Variants in FAM163A observed in about 807,000 individuals in gnomAD.
FAM163A encodes the protein family with sequence similarity 163 member A, also known as protein FAM163A.
Under a neutral mutation model 12.0 loss-of-function variants are expected in FAM163A, and 7 were observed. The ratio of observed to expected loss-of-function variants is 0.58; its 90% confidence interval spans 0.33 to 1.10. The LOEUF is 1.10. Ranked by LOEUF, FAM163A falls within the 50% of genes least tolerant of loss-of-function variation. The pLI, the probability that FAM163A is intolerant of heterozygous loss-of-function variation, is 0.03. For missense variants in FAM163A, 202 were observed against 218.6 expected (o/e 0.92, Z 0.48); for synonymous variants, 101 against 91.0 (o/e 1.11, Z -0.62).
intron 1 of FAM163A, among the ~76,000 whole-genome samples, chr1:179,778,272 C>G (rs1348347593): frequency 6.6e-6 from 1 of 152,116 alleles, no homozygotes; most frequent in Non-Finnish European, 1.5e-5. Flanking sequence ...CTCCTTACAC[C>G]CCATATCCCT....
intron 1 of FAM163A, among the ~76,000 whole-genome samples, chr1:179,790,853 A>G (rs939478700): frequency 6.6e-6 from 1 of 152,196 alleles, no homozygotes; most frequent in African/African-American, 2.4e-5. Flanking sequence ...AAGTAGAAGA[A>G]AGTTGTGGGA....
At chr1:179,764,311 C>T (rs1687199163) in intron 1 of FAM163A, among the ~76,000 whole-genome samples, 1 of 152,050 alleles carries the variant, frequency 6.6e-6, no homozygotes, top group Admixed American at 6.6e-5. Context: ...GCAGAAGGGG[C>T]GGGAACGACG....
intron 1 of FAM163A, among the ~76,000 whole-genome samples, chr1:179,763,084 A>G (rs1438321874): frequency 6.6e-6 from 1 of 152,186 alleles, no homozygotes; most frequent in Non-Finnish European, 1.5e-5. Flanking sequence ...CTTCAGCTAA[A>G]GGCAAAAGAA....
chr1:179,774,986 G>T (rs571704131), intron 1 of FAM163A, among the ~76,000 whole-genome samples: 2 of 152,302 alleles, frequency 1.3e-5, no homozygotes, highest in African/African-American at 2.4e-5. Flanking sequence ...GCACGGCAAA[G>T]CAAGGAAAGA....
chr1:179,745,208 G>A (rs1290991289), intron 1 of FAM163A, among the ~76,000 whole-genome samples: 6 of 152,142 alleles, frequency 3.9e-5, no homozygotes, highest in East Asian at 1.9e-4. Context: ...CAGGCAGATC[G>A]GCAGCGGCCC....
At chr1:179,737,091 AG>A in the FAM163A span, among the ~76,000 whole-genome samples, 1 of 152,216 alleles carries the variant, frequency 6.6e-6, no homozygotes, top group Non-Finnish European at 1.5e-5. Context: ...ACAATAGCCA[AG>A]GTATCAAAAC....
intron 2 of FAM163A, among the ~76,000 whole-genome samples, chr1:179,809,700 C>T (rs1694437798): frequency 6.6e-6 from 1 of 152,208 alleles, no homozygotes; most frequent in Non-Finnish European, 1.5e-5. Context: ...CATCCTGGAA[C>T]ACTAGTCCAA....
chr1:179,735,495 CT>C, the FAM163A span, among the ~76,000 whole-genome samples: 1,344 of 62,058 alleles, frequency 0.022, 8 homozygotes, highest in African/African-American at 0.075. Context: ...GAGTTACATT[CT>C]TTTTTTTTTT....
At chr1:179,736,059 C>A in the FAM163A span, among the ~76,000 whole-genome samples, 1 of 152,130 alleles carries the variant, frequency 6.6e-6, no homozygotes, top group Admixed American at 6.5e-5. Flanking sequence ...AAGTGTAAGA[C>A]CTGAAACTAT....
rs188906076 is a variant in FAM163A at position 179,771,334 on chromosome 1, G to T, written c.-136+27911G>T. Among the ~76,000 whole-genome samples, 8 of 152,290 alleles carry T rather than the reference G, an allele frequency of 5.3e-5. No individual in the cohort carries two copies. The East Asian group carries it at 1.3e-3, about 26-fold the overall frequency. On this transcript the variant is annotated intron_variant, in intron 1 of 4. Coordinates refer to ENST00000341785, the MANE Select transcript of FAM163A (RefSeq NM_173509.3). The stretch of plus-strand genomic sequence containing the variant: ...CTGGGGTCTGTCCCGCCCACAGATG[G>T]TCCAGGCCCATCAGCTTTACCTGTC...
At position 179,799,895 on chromosome 1, in the gene FAM163A, G is replaced by A. The variant is rs145075705; in HGVS notation, c.-135-7903G>A. On this transcript the variant is annotated intron_variant, in intron 1 of 4. Transcript: ENST00000341785. ...CATATGGACTATAGGCAAAACTGAG[G>A]TTCTCAGGAAGAGAGGCCTGGAAGG... Among the ~76,000 whole-genome samples the A allele has an allele frequency of 9.4e-3, 1,428 of 152,296 alleles. 22 individuals are homozygous for A. Among genetic ancestry groups the A allele is most frequent in the African/African-American group, 0.033 (1,360 of 41,558 alleles).
At chr1:179,768,477 T>C (rs1238631555) in intron 1 of FAM163A, among the ~76,000 whole-genome samples, 2 of 152,206 alleles carry the variant, frequency 1.3e-5, no homozygotes, top group African/African-American at 4.8e-5. Flanking sequence ...TTAGTGAAAA[T>C]AGGCTCTCCA....
At position 179,766,753 on chromosome 1, in the gene FAM163A, C is replaced by CT. The variant is rs200988000; in HGVS notation, c.-136+23342dup. Among the ~76,000 whole-genome samples the CT allele has an allele frequency of 1.2e-3, 168 of 145,822 alleles. 3 individuals are homozygous for CT. In the South Asian group the frequency reaches 0.018, roughly 15 times the overall value. On this transcript the variant is annotated intron_variant, in intron 1 of 4. Transcript: ENST00000341785. ...ACTTCACTCCTTTTTACTTTTCTTT[C>CT]TTTTTTTTTTTTCGGTTTGGAGACG...
At chr1:179,760,388 C>T (rs765174343) in intron 1 of FAM163A, among the ~76,000 whole-genome samples, 5 of 152,110 alleles carry the variant, frequency 3.3e-5, no homozygotes, top group East Asian at 1.9e-4. Context: ...ATAGAGGTGC[C>T]GTGATTCTAT....
At chr1:179,781,105 C>G (rs553951153) in intron 1 of FAM163A, among the ~76,000 whole-genome samples, 2 of 152,004 alleles carry the variant, frequency 1.3e-5, no homozygotes, top group Non-Finnish European at 2.9e-5. Context: ...GGGGCTTAAC[C>G]GAGAGTGAAA....
the FAM163A span, among the ~76,000 whole-genome samples, chr1:179,735,795 C>G: frequency 2.0e-5 from 3 of 151,942 alleles, no homozygotes; most frequent in South Asian, 4.2e-4. Context: ...GAGCCACCGC[C>G]CCCAGCCGAA....
At chr1:179,784,411 T>G (rs917559151) in intron 1 of FAM163A, among the ~76,000 whole-genome samples, 3 of 152,216 alleles carry the variant, frequency 2.0e-5, no homozygotes, top group Non-Finnish European at 4.4e-5. Flanking sequence ...TAATTTAACC[T>G]CTCTGAACCT....
chr1:179,759,596 C>T (rs1557904507), intron 1 of FAM163A, among the ~76,000 whole-genome samples: 1 of 152,046 alleles, frequency 6.6e-6, no homozygotes, highest in Non-Finnish European at 1.5e-5. Context: ...AGAAAGAGGG[C>T]TCATAGGCTG....
At chr1:179,784,058 A>T (rs1690242630) in intron 1 of FAM163A, among the ~76,000 whole-genome samples, 1 of 152,082 alleles carries the variant, frequency 6.6e-6, no homozygotes, top group Non-Finnish European at 1.5e-5. Flanking sequence ...TGAGGCCATC[A>T]AGAGTCTGAT....
Sources: allele counts gnomAD v4.1 joint callset (sites outside exome capture counted in the v4.1 genomes callset), GRCh38; gene constraint gnomAD v4.1.1; transcripts MANE v1.5; gene names NCBI Gene and HGNC (gene_info 2026-07-23, HGNC 2026-07-21).